Variants in TMEM87A observed in about 807,000 individuals in gnomAD.
TMEM87A encodes Golgi-pH regulating cation channel.
Under a neutral mutation model 90.0 loss-of-function variants are expected in TMEM87A, and 50 were observed. The ratio of observed to expected loss-of-function variants is 0.56; its 90% CI spans 0.44 to 0.70. The LOEUF is 0.70. Among genes scored for constraint, TMEM87A ranks in the 30% least tolerant of loss-of-function variants. TMEM87A has a pLI of 0.00. For synonymous variants in TMEM87A, 226 were observed against 226.7 expected (o/e 1.00, Z 0.03); for missense variants, 577 against 660.5 (o/e 0.87, Z 1.39).
Position 42,220,065 on chromosome 15 carries a change from A to C in TMEM87A, c.1474T>G (p.Phe492Val). Residue 492 changes from phenylalanine to valine, a missense_variant, in exon 16 of 20, where the codon TTT becomes GTT. Coordinates refer to ENST00000389834, the MANE Select transcript of TMEM87A (RefSeq NM_015497.5). ...EQKEPMLKESFEGMKMRSTKQ... is the reference protein window; with the variant it reads ...EQKEPMLKESVEGMKMRSTKQ... ...AAGAGGTGAATTTTATTATTACCAA[A>C]GCTTTCTTTCAGCATAGGCTCCTTT... 6.3e-7 allele frequency: 1 copy of C among 1,597,134 alleles called. No homozygotes were observed. The highest frequency in any genetic ancestry group is 2.2e-5 in the East Asian group (1 of 44,642).
intron 6 of TMEM87A, among the ~76,000 whole-genome samples, chr15:42,251,956 G>A (rs1355700643): frequency 2.6e-5 from 4 of 152,238 alleles, no homozygotes; most frequent in African/African-American, 7.2e-5. Flanking sequence ...CAGCAATGGC[G>A]ATGCCCCTTC....
intron 15 of TMEM87A, 159 bp downstream of exon 15, chr15:42,226,647 T>G: frequency 7.7e-6 from 5 of 648,652 alleles, no homozygotes; most frequent in South Asian, 4.0e-5. Context: ...AATCATGAAG[T>G]TAAGAGGAGA....
chr15:42,246,557 G>A (rs1443902308), intron 6 of TMEM87A, among the ~76,000 whole-genome samples: 5 of 151,758 alleles, frequency 3.3e-5, no homozygotes, highest in Admixed American at 3.3e-4. Flanking sequence ...TTGGTTTTCT[G>A]TCCTCGAGAG....
At chr15:42,252,146 G>T (rs189582763) in intron 6 of TMEM87A, among the ~76,000 whole-genome samples, 28 of 152,330 alleles carry the variant, frequency 1.8e-4, no homozygotes, top group African/African-American at 6.7e-4. Flanking sequence ...TCCCAGTACA[G>T]TCTGTCACGG....
chr15:42,219,719 T>C, intron 16 of TMEM87A, 77 bp from the exon 17 acceptor site: 1 of 1,022,342 alleles, frequency 9.8e-7, no homozygotes. Flanking sequence ...TTCAGAACTT[T>C]TTCTTTTTTT....
chr15:42,236,818 T>C (rs915966515), intron 9 of TMEM87A, among the ~76,000 whole-genome samples: 5 of 152,234 alleles, frequency 3.3e-5, no homozygotes, highest in African/African-American at 1.2e-4. Context: ...GCTTAACTTT[T>C]TTCAGATCTA....
At chr15:42,233,927 C>T (rs1279027837) in intron 10 of TMEM87A, among the ~76,000 whole-genome samples, 1 of 149,820 alleles carries the variant, frequency 6.7e-6, no homozygotes, top group African/African-American at 2.5e-5. Flanking sequence ...CGTCCCACTA[C>T]ACCAGGCTAA....
At chr15:42,255,684 A>C (rs770411093) in intron 6 of TMEM87A, among the ~76,000 whole-genome samples, 2 of 152,210 alleles carry the variant, frequency 1.3e-5, no homozygotes, top group African/African-American at 2.4e-5. Context: ...AAACTGAGTT[A>C]ATCAAAATAT....
At chr15:42,266,122 G>A (rs1435681053) in intron 3 of TMEM87A, among the ~76,000 whole-genome samples, 1 of 152,214 alleles carries the variant, frequency 6.6e-6, no homozygotes, top group African/African-American at 2.4e-5. Context: ...GTCAGGTAAT[G>A]TGATGCTTCC....
intron 2 of TMEM87A, among the ~76,000 whole-genome samples, chr15:42,269,185 G>A (rs1163531643): frequency 6.6e-6 from 1 of 152,116 alleles, no homozygotes; most frequent in Non-Finnish European, 1.5e-5. Context: ...GCTGGAGGAA[G>A]TCAGTATTCG....
chr15:42,222,097 G>A (rs933462109), intron 15 of TMEM87A, among the ~76,000 whole-genome samples: 1 of 151,960 alleles, frequency 6.6e-6, no homozygotes, highest in Non-Finnish European at 1.5e-5. Flanking sequence ...AGTTTCACTC[G>A]TTGTCCAGAC....
At chr15:42,268,092 A>G in intron 2 of TMEM87A, 60 bp from the exon 3 acceptor site, 1 of 1,461,336 alleles carries the variant, frequency 6.8e-7, no homozygotes, top group African/African-American at 1.4e-5. Flanking sequence ...ATTTTTCCTA[A>G]GCTGTTAACC....
intron 18 of TMEM87A, 118 bp downstream of exon 18, chr15:42,218,205 C>A: frequency 9.8e-7 from 1 of 1,015,694 alleles, no homozygotes; most frequent in Non-Finnish European, 1.4e-6. Context: ...TATTCCTATT[C>A]TTTTAATTAT....
At position 42,249,012 on chromosome 15, in the gene TMEM87A, G is replaced by A. The variant is rs559812165; in HGVS notation, c.505-4845C>T. The stretch of plus-strand genomic sequence containing the variant: ...TCAACTTCTTCCTAGTTTAGTCTTG[G>A]GAGGGTCTATGTGTACAGGAATTTA... On this transcript the variant is annotated intron_variant, in intron 6 of 19. Transcript: ENST00000389834. Among the ~76,000 whole-genome samples the A allele has an allele frequency of 2.6e-5, 4 of 152,172 alleles. No individual in the cohort carries two copies. The East Asian group carries it at 7.7e-4, about 29-fold the overall frequency.
chr15:42,259,387 G>A (rs2051247494), intron 6 of TMEM87A, among the ~76,000 whole-genome samples: 1 of 152,082 alleles, frequency 6.6e-6, no homozygotes, highest in Non-Finnish European at 1.5e-5. Flanking sequence ...GCCTCCCAAA[G>A]GAAAAAATAC....
rs1257203403 is a variant in TMEM87A at position 42,273,305 on chromosome 15, C to G, written c.94G>C (p.Ala32Pro). The G allele has an allele frequency of 1.2e-6, 2 of 1,614,158 alleles. No homozygotes were observed. Among genetic ancestry groups the G allele is most frequent in the Non-Finnish European group, 1.7e-6 (2 of 1,180,038 alleles). The part of the protein sequence containing the change: ...SPLSFFSAGP[A>P]TVAAADRSKW... ...GACCGGTCGGCAGCAGCTACGGTTG[C>G]CGGTCCCGCACTGAAAAACGACAGT... The change falls in exon 1 of 20, where the codon GCA (alanine) becomes CCA (proline). Residue 32 changes from alanine to proline, a missense_variant. Physicochemically the swap from Ala to Pro is conservative, Grantham distance 27. Coordinates refer to ENST00000389834, the MANE Select transcript of TMEM87A (RefSeq NM_015497.5).
intron 6 of TMEM87A, 46 bp from the exon 7 acceptor site, chr15:42,244,213 G>C: frequency 7.5e-7 from 1 of 1,331,642 alleles, no homozygotes; most frequent in Non-Finnish European, 1.0e-6. Context: ...TAAGAATTAA[G>C]AGCACAAATT....
chr15:42,256,237 C>CT (rs1415118492), intron 6 of TMEM87A, among the ~76,000 whole-genome samples: 5 of 151,938 alleles, frequency 3.3e-5, no homozygotes, highest in Admixed American at 2.0e-4. Context: ...GCTTCTTGGG[C>CT]TCAAGTGATT....
At chr15:42,241,910 T>C (rs1447292550) in intron 7 of TMEM87A, among the ~76,000 whole-genome samples, 1 of 151,252 alleles carries the variant, frequency 6.6e-6, no homozygotes, top group Non-Finnish European at 1.5e-5. Context: ...GTACTAAAAA[T>C]ACAAAAATTA....
Sources: gnomAD v4.1 joint callset for allele counts (sites outside exome capture counted in the v4.1 genomes callset) on GRCh38, gnomAD v4.1.1 for gene constraint, MANE v1.5 for transcripts, NCBI Gene and HGNC (gene_info 2026-07-23, HGNC 2026-07-21) for gene names.